NLRC3: variants seen among roughly 807,000 people sequenced by gnomAD.
The protein encoded by NLRC3 is NLR family CARD domain-containing protein 3.
NLRC3 carries 87 observed loss-of-function variants against 91.6 expected under a neutral mutation model. The observed-to-expected ratio is 0.95, with a 90% confidence interval of 0.80 to 1.14. The LOEUF (loss-of-function observed/expected upper bound fraction) is 1.14, where lower values mean the gene tolerates loss of function less well. Ranked by LOEUF, NLRC3 falls within the 50% of genes most tolerant of loss-of-function variation. The pLI is 0.00. For missense variants in NLRC3, 1,577 were observed against 1,418.6 expected, an observed-to-expected ratio of 1.11 and a Z score of -1.79; for synonymous variants, 694 against 625.3, an observed-to-expected ratio of 1.11 and a Z score of -1.64.
rs754876445 is a variant in NLRC3 at position 3,549,228 on chromosome 16, G to GA, written c.2520-4dup. On this transcript the variant is annotated splice_region_variant and splice_polypyrimidine_tract_variant and intron_variant, in intron 12 of 19. Coordinates refer to ENST00000359128, the MANE Select transcript of NLRC3 (RefSeq NM_178844.4). Reference sequence around the variant, plus strand: ...GACTGATGGAGTTTTCTCGAAGGCTGAAAAAAAAGGAAAGACCTGAGCTTC... The same window carrying GA: ...GACTGATGGAGTTTTCTCGAAGGCTGAAAAAAAAAGGAAAGACCTGAGCTTC... 2.5e-5 allele frequency: 39 copies of GA among 1,565,774 alleles called. No individual in the cohort carries two copies. Among genetic ancestry groups the GA allele is most frequent in the Admixed American group, 3.8e-5 (2 of 53,054 alleles).
chr16:3,544,753 C>T, intron 15 of NLRC3: 2 of 180,886 alleles, frequency 1.1e-5, no homozygotes, highest in Non-Finnish European at 2.3e-5. Flanking sequence ...CTCACTGCAG[C>T]CTCAACCTCC....
At position 3,552,235 on chromosome 16, in the gene NLRC3, G is replaced by A; in HGVS notation, c.2312C>T (p.Ala771Val). The change falls in exon 10 of 20, where the codon GCA becomes GTA. Residue 771 changes from alanine to valine, a missense_variant. Physicochemically the swap from Ala to Val is moderately conservative, Grantham distance 64. Coordinates refer to ENST00000359128, the MANE Select transcript of NLRC3 (RefSeq NM_178844.4). The part of the protein sequence containing the change: ...SIGPMGAQRM[A>V]DALKQNRSLK... ...ACTCCTGTTCTGCTTCAAGGCATCT[G>A]CCATCCGCTGGGCTCCCATGGGCCC... The A allele has an allele frequency of 6.2e-7, 1 of 1,613,288 alleles. No homozygotes were observed. The highest frequency in any genetic ancestry group is 1.1e-5 in the South Asian group (1 of 91,072).
At position 3,563,193 on chromosome 16, in the gene NLRC3, T is replaced by C. The variant is rs2039689128; in HGVS notation, c.1744A>G (p.Ser582Gly). The change falls in exon 5 of 20, where the codon AGC becomes GGC. Residue 582 changes from serine (S) to glycine (G), a missense_variant. Physicochemically the swap from Ser to Gly is moderately conservative, Grantham distance 56. Coordinates refer to ENST00000359128, the MANE Select transcript of NLRC3 (RefSeq NM_178844.4). Reference sequence around the variant, plus strand: ...CCGCTCTCCATGGCCTCCTCCACGCTGCGGGCCAGCTCGGTGTGCTGCAGC... The same window carrying C: ...CCGCTCTCCATGGCCTCCTCCACGCCGCGGGCCAGCTCGGTGTGCTGCAGC... ...HELQHTELAR[S>G]VEEAMESGAL... 6.3e-7 allele frequency: 1 copy of C among 1,595,842 alleles called. No individual in the cohort carries two copies. The highest frequency in any genetic ancestry group is 8.5e-7 in the Non-Finnish European group (1 of 1,173,734).
intron 10 of NLRC3, among the ~76,000 whole-genome samples, chr16:3,550,865 C>T (rs2038956526): frequency 6.6e-6 from 1 of 152,148 alleles, no homozygotes; most frequent in South Asian, 2.1e-4. Flanking sequence ...GAATCTGAGT[C>T]TCCATTCTCC....
Position 3,563,826 on chromosome 16 carries a change from C to T in NLRC3, c.1111G>A (p.Ala371Thr), listed in dbSNP as rs752148599. 1.1e-5 allele frequency: 18 copies of T among 1,608,690 alleles called. No homozygotes were observed. Among genetic ancestry groups the T allele is most frequent in the East Asian group, 1.1e-4 (5 of 44,864 alleles). Residue 371 changes from alanine to threonine, a missense_variant, in exon 5 of 20, where the codon GCC becomes ACC. Physicochemically the swap from Ala to Thr is moderately conservative, Grantham distance 58 (BLOSUM62 0). Transcript: ENST00000359128. ...CELYSWYFRM[A>T]LSGEGQEKGK... ...TTCTCCTGCCCCTCCCCGCTGAGGG[C>T]CATCCTAAAGTACCATGAGTAGAGC...
rs1383431867 is a variant in NLRC3 at position 3,552,126 on chromosome 16, A to G, written c.2351+70T>C. 4.2e-6 allele frequency: 4 copies of G among 942,474 alleles called. No individual in the cohort carries two copies. In the African/African-American group the frequency reaches 4.9e-5, roughly 11 times the overall value. The allele number at this position is 942,474 out of a possible 1,614,324, so 58.4% of individuals were successfully genotyped here. ...CCATCCATCCATCCTCAGGCTCACA[A>G]ATATTTGTGCTGGGTTGGGCATTGT... On this transcript the variant is annotated intron_variant, in intron 10 of 19. Transcript: ENST00000359128.
At chr16:3,575,119 G>T (rs1453155598) in intron 1 of NLRC3, among the ~76,000 whole-genome samples, 1 of 152,138 alleles carries the variant, frequency 6.6e-6, no homozygotes, top group African/African-American at 2.4e-5. Context: ...TATCTGATCT[G>T]GCATCCCTGC....
intron 1 of NLRC3, among the ~76,000 whole-genome samples, chr16:3,574,169 C>G (rs951797746): frequency 6.6e-6 from 1 of 151,632 alleles, no homozygotes; most frequent in Non-Finnish European, 1.5e-5. Flanking sequence ...ATTATAGGCA[C>G]CCACCATCAA....
chr16:3,552,421 G>T (rs969290713), intron 9 of NLRC3, 142 bp from the exon 10 acceptor site: 1 of 643,988 alleles, frequency 1.6e-6, no homozygotes, highest in East Asian at 2.7e-5. Context: ...TCTCCAGATG[G>T]GTCTTTGGAT....
chr16:3,576,865 TCACCATGTTGGCCAG>T (rs964728544), intron 1 of NLRC3, among the ~76,000 whole-genome samples: 2 of 152,126 alleles, frequency 1.3e-5, no homozygotes, highest in Non-Finnish European at 2.9e-5. Flanking sequence ...AGATGGGGTT[TCACCATGTTGGCCAG>T]GCTAGTCTCA....
intron 10 of NLRC3, among the ~76,000 whole-genome samples, chr16:3,550,776 G>A (rs1468192706): frequency 6.6e-6 from 1 of 152,140 alleles, no homozygotes; most frequent in African/African-American, 2.4e-5. Context: ...TTGTGAAGAT[G>A]GTCAGGAAAT....
At chr16:3,561,602 G>A (rs911120822) in intron 6 of NLRC3, 100 bp downstream of exon 6, 7 of 780,714 alleles carry the variant, frequency 9.0e-6, no homozygotes, top group Admixed American at 4.3e-5. Context: ...ACACTTCTCC[G>A]TGGCAGCGCC....
At chr16:3,553,293 T>A (rs1227429194) in intron 9 of NLRC3, among the ~76,000 whole-genome samples, 1 of 152,230 alleles carries the variant, frequency 6.6e-6, no homozygotes, top group East Asian at 1.9e-4. Context: ...AGCCTGGGAA[T>A]GTCTTTCATA....
intron 12 of NLRC3, among the ~76,000 whole-genome samples, 181 bp from the exon 13 acceptor site, chr16:3,549,406 G>A (rs140918282): frequency 3.9e-4 from 60 of 152,262 alleles, no homozygotes; most frequent in African/African-American, 1.1e-3. Context: ...GGGCCAGCCA[G>A]GTGCCCCCAC....
intron 9 of NLRC3, among the ~76,000 whole-genome samples, chr16:3,553,435 T>G (rs1188133947): frequency 2.0e-5 from 3 of 152,220 alleles, no homozygotes; most frequent in Non-Finnish European, 4.4e-5. Flanking sequence ...GATAAAAGCT[T>G]TACTTTTCCT....
At chr16:3,561,669 A>AGGC in intron 6 of NLRC3, 33 bp downstream of exon 6, 1 of 1,462,676 alleles carries the variant, frequency 6.8e-7, no homozygotes, top group Non-Finnish European at 9.6e-7. Flanking sequence ...ACAAGACCAT[A>AGGC]GGCACCCTGG....
chr16:3,561,699 T>C lies in NLRC3; in HGVS notation c.2015+3A>G. 1 of 1,608,316 alleles carries C rather than the reference T, an allele frequency of 6.2e-7. No individual in the cohort carries two copies. The highest frequency in any genetic ancestry group is 8.5e-7 in the Non-Finnish European group (1 of 1,174,988). ...CCCTGGAGGTCCCCTGGGTCTGTGT[T>C]ACCTGATCTTCTGAATGCGACAGTC... On this transcript the variant is annotated splice_donor_region_variant and intron_variant, in intron 6 of 19. Coordinates refer to ENST00000359128, the MANE Select transcript of NLRC3 (RefSeq NM_178844.4).
rs545267540 is a variant in NLRC3, at chr16:3,565,540, G to A, written c.-86-160C>T. Among the ~76,000 whole-genome samples, 26 of 141,784 alleles carry A rather than the reference G, an allele frequency of 1.8e-4. No individual in the cohort carries two copies. The South Asian group carries it at 6.1e-3, about 33-fold the overall frequency. The allele number at this position is 141,784 out of a possible 152,430, so 93.0% of individuals were successfully genotyped here. ...TGGGGACGCTACACTGTGTGATTCTGACTAACATTCTGGAAAAGGCAAAAG... is the reference window on the plus strand; with the variant it reads ...TGGGGACGCTACACTGTGTGATTCTAACTAACATTCTGGAAAAGGCAAAAG... On this transcript the variant is annotated intron_variant, in intron 2 of 19. Coordinates refer to ENST00000359128, the MANE Select transcript of NLRC3 (RefSeq NM_178844.4).
At chr16:3,575,808 C>T (rs762844624) in intron 1 of NLRC3, among the ~76,000 whole-genome samples, 2 of 152,198 alleles carry the variant, frequency 1.3e-5, no homozygotes, top group African/African-American at 2.4e-5. Flanking sequence ...ACTTGGCGCC[C>T]GGGTGGGACT....
Sources: gnomAD v4.1 joint callset for allele counts (sites outside exome capture counted in the v4.1 genomes callset) on GRCh38, gnomAD v4.1.1 for gene constraint, MANE v1.5 for transcripts, NCBI Gene and HGNC (gene_info 2026-07-23, HGNC 2026-07-21) for gene names.